PABPC4L: variants seen among roughly 807,000 people sequenced by gnomAD.
The protein encoded by PABPC4L is polyadenylate-binding protein 4-like.
For synonymous variants in PABPC4L, 169 were observed against 164.1 expected, an observed-to-expected ratio of 1.03 and a Z score of -0.23; for missense variants, 452 against 451.4, an observed-to-expected ratio of 1.00 and a Z score of -0.01.
At chr4:134,192,449 T>C (rs2126194061), downstream of PABPC4L, among the ~76,000 whole-genome samples, 1 of 152,170 alleles carries the variant, frequency 6.6e-6, no homozygotes, top group African/African-American at 2.4e-5. Context: ...GTCCCAAAAT[T>C]AAATAGCGGT....
the PABPC4L span, among the ~76,000 whole-genome samples, chr4:134,020,655 C>T: frequency 1.3e-5 from 2 of 151,974 alleles, no homozygotes; most frequent in South Asian, 2.1e-4. Context: ...GCCTACAACA[C>T]CAACCTGTTC....
At chr4:134,121,303 CT>C in the PABPC4L span, among the ~76,000 whole-genome samples, 1 of 151,068 alleles carries the variant, frequency 6.6e-6, no homozygotes, top group Non-Finnish European at 1.5e-5. Context: ...TTATTATTTA[CT>C]TTTAAATTTT....
chr4:134,184,435 G>A, the PABPC4L span, among the ~76,000 whole-genome samples: 1 of 151,902 alleles, frequency 6.6e-6, no homozygotes, highest in African/African-American at 2.4e-5. Context: ...GGCAACCACT[G>A]ATTTTATTAT....
chr4:134,181,069 C>T, the PABPC4L span, among the ~76,000 whole-genome samples: 1 of 151,570 alleles, frequency 6.6e-6, no homozygotes, highest in Non-Finnish European at 1.5e-5. Context: ...AGAGACATAA[C>T]AAAATAACAG....
chr4:134,026,895 T>A, the PABPC4L span, among the ~76,000 whole-genome samples: 1 of 152,050 alleles, frequency 6.6e-6, no homozygotes, highest in Non-Finnish European at 1.5e-5. Context: ...AGTCACAGAA[T>A]GGATTCTTCC....
the PABPC4L span, among the ~76,000 whole-genome samples, chr4:134,169,882 C>T: frequency 4.0e-5 from 6 of 151,868 alleles, no homozygotes; most frequent in South Asian, 2.1e-4. Context: ...TTTTTTTTAA[C>T]TTTTAATTTA....
chr4:134,155,235 T>TA, the PABPC4L span, among the ~76,000 whole-genome samples: 1 of 152,096 alleles, frequency 6.6e-6, no homozygotes, highest in Non-Finnish European at 1.5e-5. Context: ...TATTTCTGTG[T>TA]AAAATGGAAG....
the PABPC4L span, among the ~76,000 whole-genome samples, chr4:134,124,818 T>A: frequency 6.6e-6 from 1 of 152,094 alleles, no homozygotes; most frequent in Non-Finnish European, 1.5e-5. Flanking sequence ...GACCTAGCTG[T>A]GAGCACCAAG....
the PABPC4L span, among the ~76,000 whole-genome samples, chr4:133,964,456 T>G: frequency 1.1e-4 from 16 of 152,082 alleles, no homozygotes; most frequent in Non-Finnish European, 2.1e-4. Flanking sequence ...AAACATTTCC[T>G]AATTCATTCT....
chr4:134,123,168 C>A, the PABPC4L span, among the ~76,000 whole-genome samples: 1 of 151,960 alleles, frequency 6.6e-6, no homozygotes, highest in Non-Finnish European at 1.5e-5. Flanking sequence ...TGCTGATTTA[C>A]TAACATTAAA....
chr4:134,170,842 A>G, the PABPC4L span, among the ~76,000 whole-genome samples: 2 of 152,188 alleles, frequency 1.3e-5, no homozygotes, highest in Non-Finnish European at 2.9e-5. Flanking sequence ...TCCTTTGGGT[A>G]TATACCCAAT....
the PABPC4L span, among the ~76,000 whole-genome samples, chr4:134,118,818 T>C: frequency 6.6e-6 from 1 of 151,794 alleles, no homozygotes; most frequent in African/African-American, 2.4e-5. Flanking sequence ...CATCTGCTTT[T>C]AAAGAAATGT....
chr4:133,999,719 C>T, the PABPC4L span, among the ~76,000 whole-genome samples: 370 of 151,938 alleles, frequency 2.4e-3, 2 homozygotes, highest in African/African-American at 8.6e-3. Context: ...AAAATAAAGG[C>T]TTGGTTCTTA....
the PABPC4L span, among the ~76,000 whole-genome samples, chr4:133,979,621 C>T: frequency 6.6e-6 from 1 of 152,104 alleles, no homozygotes; most frequent in Non-Finnish European, 1.5e-5. Flanking sequence ...GAAATTATCA[C>T]TTTAAGCATA....
chr4:134,123,638 A>G, the PABPC4L span, among the ~76,000 whole-genome samples: 1 of 152,102 alleles, frequency 6.6e-6, no homozygotes, highest in African/African-American at 2.4e-5. Flanking sequence ...ATGTTTAAAT[A>G]CAAAAAGCCA....
chr4:134,065,628 C>T, the PABPC4L span, among the ~76,000 whole-genome samples: 1 of 151,868 alleles, frequency 6.6e-6, no homozygotes, highest in South Asian at 2.1e-4. Flanking sequence ...TTAATGATTC[C>T]CATTTATGAC....
the PABPC4L span, among the ~76,000 whole-genome samples, chr4:134,033,267 CT>C: frequency 6.6e-6 from 1 of 151,748 alleles, no homozygotes; most frequent in Non-Finnish European, 1.5e-5. Context: ...TAATTGATAA[CT>C]GTTATGTGTT....
chr4:133,985,461 C>A, the PABPC4L span, among the ~76,000 whole-genome samples: 1 of 151,778 alleles, frequency 6.6e-6, no homozygotes, highest in Admixed American at 6.6e-5. Context: ...AATTACAAAT[C>A]CAAATATATC....
the PABPC4L span, among the ~76,000 whole-genome samples, chr4:133,965,890 C>T: frequency 6.6e-6 from 1 of 152,052 alleles, no homozygotes; most frequent in African/African-American, 2.4e-5. Flanking sequence ...CAGAAAAACC[C>T]TTCTAGACAT....
Sources: gnomAD v4.1 joint callset for allele counts (sites outside exome capture counted in the v4.1 genomes callset) on GRCh38, gnomAD v4.1.1 for gene constraint, MANE v1.5 for transcripts, NCBI Gene and HGNC (gene_info 2026-07-23, HGNC 2026-07-21) for gene names.